Variants in TDP1 observed in about 807,000 individuals in gnomAD.
TDP1 encodes tyr-DNA phosphodiesterase 1.
In TDP1, 64 loss-of-function variants were observed where a neutral mutation model predicts 81.5. That is an observed-to-expected ratio of 0.79 (90% confidence interval 0.64 to 0.97). TDP1 has a LOEUF of 0.97. Among genes scored for constraint, TDP1 ranks in the 50% least tolerant of loss-of-function variants. The pLI, the probability that TDP1 is intolerant of heterozygous loss-of-function variation, is 0.00. For synonymous variants in TDP1, 256 were observed against 264.3 expected, an observed-to-expected ratio of 0.97 and a Z score of 0.30; for missense variants, 723 against 743.8, an observed-to-expected ratio of 0.97 and a Z score of 0.33.
intron 3 of TDP1, among the ~76,000 whole-genome samples, chr14:89,965,265 G>GC (rs34080955): frequency 0.1 from 15,318 of 152,090 alleles, 2,024 homozygotes; most frequent in African/African-American, 0.3. Context: ...AAATGAATGA[G>GC]CCAGTCTTAA....
At chr14:90,014,544 G>A (rs983964385) in intron 14 of TDP1, among the ~76,000 whole-genome samples, 4 of 152,208 alleles carry the variant, frequency 2.6e-5, no homozygotes, top group African/African-American at 9.6e-5. Context: ...TATTGCAGCT[G>A]TCTGTGAACA....
chr14:89,963,307 T>C lies in TDP1; in HGVS notation c.193T>C (p.Phe65Leu). The change falls in exon 3 of 17, where the codon TTC becomes CTC. Residue 65 changes from phenylalanine to leucine, a missense_variant. Physicochemically the swap from Phe to Leu is conservative, Grantham distance 22. Transcript: ENST00000335725. ...CAAGAGGAAAATATCACCTGTGAAA[T>C]TCAGCAATACAGATTCAGTTTTACC... is the stretch of plus-strand genomic sequence containing the variant. ...AHKRKISPVK[F>L]SNTDSVLPPK... is the part of the protein sequence containing the mutation. The C allele has an allele frequency of 6.2e-7, 1 of 1,614,158 alleles. No individual in the cohort carries two copies. Among genetic ancestry groups the C allele is most frequent in the Non-Finnish European group, 8.5e-7 (1 of 1,180,044 alleles).
intron 14 of TDP1, among the ~76,000 whole-genome samples, chr14:90,018,336 C>T (rs566256319): frequency 1.3e-5 from 2 of 152,290 alleles, no homozygotes; most frequent in South Asian, 4.1e-4. Flanking sequence ...CTGCCACATT[C>T]GCTTATAAAA....
In TDP1 at chr14:90,044,649, A is replaced by T. The variant is rs1463317943; in HGVS notation, c.*1506A>T. 6.6e-6 allele frequency: 1 copy of T among 152,196 alleles called. No homozygotes were observed. Among genetic ancestry groups the T allele is most frequent in the African/African-American group, 2.4e-5 (1 of 41,414 alleles). The allele number at this position is 152,196 out of a possible 1,614,324, so 9.4% of individuals were successfully genotyped here. Reference sequence around the variant, plus strand: ...TGCAGGGCCTCCCACCTTCCAACAGACAGGCTCTGCTGTATCTGTTGTACA... The same window carrying T: ...TGCAGGGCCTCCCACCTTCCAACAGTCAGGCTCTGCTGTATCTGTTGTACA... On this transcript the variant is annotated 3_prime_UTR_variant, in exon 17 of 17. Coordinates refer to ENST00000335725, the MANE Select transcript of TDP1 (RefSeq NM_018319.4).
intron 11 of TDP1, 100 bp downstream of exon 11, chr14:89,989,190 TG>T: frequency 7.5e-7 from 1 of 1,328,194 alleles, no homozygotes; most frequent in Non-Finnish European, 1.0e-6. Flanking sequence ...TTTTATTCTG[TG>T]ATTCTTTTTT....
intron 14 of TDP1, among the ~76,000 whole-genome samples, chr14:90,000,971 T>G (rs1433348439): frequency 6.6e-6 from 1 of 152,170 alleles, no homozygotes; most frequent in East Asian, 1.9e-4. Flanking sequence ...AAAATAATAG[T>G]CCTATAAAAG....
At chr14:90,037,218 A>G (rs781138833) in intron 16 of TDP1, among the ~76,000 whole-genome samples, 4 of 152,194 alleles carry the variant, frequency 2.6e-5, no homozygotes, top group African/African-American at 9.7e-5. Flanking sequence ...AGGAAGCAAA[A>G]TAGACTGGTG....
At chr14:89,959,351 G>T (rs1892058040) in intron 2 of TDP1, among the ~76,000 whole-genome samples, 1 of 152,202 alleles carries the variant, frequency 6.6e-6, no homozygotes, top group South Asian at 2.1e-4. Context: ...TGAAATGCTG[G>T]GCACCAGAGC....
chr14:90,017,321 TA>T (rs10710186), intron 14 of TDP1, among the ~76,000 whole-genome samples: 23,397 of 152,032 alleles, frequency 0.15, 3,942 homozygotes, highest in African/African-American at 0.42. Flanking sequence ...TTCAAAGTAT[TA>T]ACCCAGAATG....
chr14:89,993,313 T>C, intron 13 of TDP1, 63 bp from the exon 14 acceptor site: 1 of 1,413,660 alleles, frequency 7.1e-7, no homozygotes. Context: ...TGCAGTTTCC[T>C]AATATTAGGA....
intron 6 of TDP1, among the ~76,000 whole-genome samples, chr14:89,974,413 A>G (rs1194452152): frequency 1.3e-5 from 2 of 152,212 alleles, no homozygotes; most frequent in Non-Finnish European, 2.9e-5. Context: ...TTTTGAAAAC[A>G]TGAAATAGAG....
At chr14:89,993,263 A>C in intron 13 of TDP1, 113 bp from the exon 14 acceptor site, 1 of 1,256,414 alleles carries the variant, frequency 8.0e-7, no homozygotes, top group Non-Finnish European at 1.1e-6. Context: ...AGAGTCGTGT[A>C]GCCACTGTTG....
intron 14 of TDP1, among the ~76,000 whole-genome samples, chr14:89,998,370 CAT>C (rs146068956): frequency 0.021 from 2,069 of 97,994 alleles, 65 homozygotes; most frequent in South Asian, 0.049. Context: ...GTTCCAAGCA[CAT>C]TATATATATA....
At chr14:90,031,758 G>A (rs538919537) in intron 15 of TDP1, among the ~76,000 whole-genome samples, 87 of 152,178 alleles carry the variant, frequency 5.7e-4, no homozygotes, top group African/African-American at 2.0e-3. Context: ...GGGCCTTTGC[G>A]GATGCTGTTC....
At chr14:89,960,081 G>C (rs1287635954) in intron 2 of TDP1, among the ~76,000 whole-genome samples, 2 of 152,172 alleles carry the variant, frequency 1.3e-5, no homozygotes, top group African/African-American at 4.8e-5. Flanking sequence ...AACTGTTGTA[G>C]AATTCAAAGG....
At chr14:90,000,447 C>T (rs4603488) in intron 14 of TDP1, among the ~76,000 whole-genome samples, 8,566 of 152,210 alleles carry the variant, frequency 0.056, 516 homozygotes, top group African/African-American at 0.15. Flanking sequence ...TGCAATGTCA[C>T]GATCTCGGCT....
intron 2 of TDP1, among the ~76,000 whole-genome samples, chr14:89,961,899 G>A (rs1892371482): frequency 6.6e-6 from 1 of 152,184 alleles, no homozygotes; most frequent in South Asian, 2.1e-4. Flanking sequence ...GTTGATCTGA[G>A]CACAGACTAC....
chr14:89,970,830 A>T (rs8020603), intron 5 of TDP1: 668 of 791,092 alleles, frequency 8.4e-4, no homozygotes, highest in South Asian at 1.6e-3. Context: ...TATTTTAATT[A>T]ATTTATTTAT....
chr14:90,016,036 C>CA (rs1555393921), intron 14 of TDP1, among the ~76,000 whole-genome samples: 3 of 148,016 alleles, frequency 2.0e-5, no homozygotes, highest in Non-Finnish European at 4.5e-5. Flanking sequence ...AGACAGCAGC[C>CA]TTTTTTTTTC....
Sources: gnomAD v4.1 joint callset for allele counts (sites outside exome capture counted in the v4.1 genomes callset) on GRCh38, gnomAD v4.1.1 for gene constraint, MANE v1.5 for transcripts, NCBI Gene and HGNC (gene_info 2026-07-23, HGNC 2026-07-21) for gene names.